SSBP2: variants seen among roughly 807,000 people sequenced by gnomAD.
SSBP2 encodes the protein single stranded DNA binding protein 2.
A neutral mutation model predicts 61.8 loss-of-function variants in SSBP2; 17 were observed. That is an observed-to-expected ratio of 0.28 (90% CI 0.19 to 0.41). The LOEUF (loss-of-function observed/expected upper bound fraction) is 0.41, where lower values mean the gene tolerates loss of function less well. SSBP2 is among the 10% of genes least tolerant of loss of function. The pLI is 1.00. For synonymous variants in SSBP2, 139 were observed against 141.3 expected (o/e 0.98, Z 0.12); for missense variants, 310 against 458.7 (o/e 0.68, Z 2.96).
intron 5 of SSBP2, among the ~76,000 whole-genome samples, chr5:81,504,722 A>T (rs1326479490): frequency 6.6e-6 from 1 of 152,078 alleles, no homozygotes; most frequent in Non-Finnish European, 1.5e-5. Context: ...TAAAATAGTT[A>T]TTTATTTTGC....
At chr5:81,676,406 G>A (rs1344746127) in intron 1 of SSBP2, among the ~76,000 whole-genome samples, 2 of 152,096 alleles carry the variant, frequency 1.3e-5, no homozygotes, top group African/African-American at 4.8e-5. Context: ...ATCTACAGGA[G>A]AGGGGCCAGA....
At chr5:81,613,801 C>T (rs959538095) in intron 4 of SSBP2, among the ~76,000 whole-genome samples, 8 of 152,230 alleles carry the variant, frequency 5.3e-5, no homozygotes, top group Admixed American at 5.2e-4. Context: ...CTATCCAATT[C>T]CTCATATTCT....
chr5:81,663,187 CACAA>C (rs1364072244), intron 1 of SSBP2, among the ~76,000 whole-genome samples: 7 of 152,128 alleles, frequency 4.6e-5, no homozygotes, highest in Non-Finnish European at 8.8e-5. Flanking sequence ...ATTGTGGATT[CACAA>C]ACAAGTTTAC....
At chr5:81,586,103 C>A (rs1273055249) in intron 4 of SSBP2, among the ~76,000 whole-genome samples, 1 of 152,174 alleles carries the variant, frequency 6.6e-6, no homozygotes, top group African/African-American at 2.4e-5. Context: ...CTGCAATGAA[C>A]ATGGGAATGC....
At chr5:81,648,931 A>G (rs1749500188) in intron 2 of SSBP2, among the ~76,000 whole-genome samples, 1 of 152,064 alleles carries the variant, frequency 6.6e-6, no homozygotes, top group African/African-American at 2.4e-5. Context: ...AAAATTATTA[A>G]TATTTTATAT....
intron 4 of SSBP2, among the ~76,000 whole-genome samples, chr5:81,596,970 A>T (rs1050722163): frequency 3.3e-5 from 5 of 151,656 alleles, no homozygotes; most frequent in Admixed American, 2.6e-4. Flanking sequence ...AATGGCAACA[A>T]AAGCCAAAAT....
At chr5:81,635,532 T>C (rs1305311585) in intron 3 of SSBP2, among the ~76,000 whole-genome samples, 3 of 151,818 alleles carry the variant, frequency 2.0e-5, no homozygotes, top group African/African-American at 4.8e-5. Context: ...TAATTACCTA[T>C]ACAGAAGTCT....
intron 1 of SSBP2, among the ~76,000 whole-genome samples, chr5:81,740,510 T>C (rs1756942743): frequency 6.6e-6 from 1 of 152,182 alleles, no homozygotes; most frequent in Non-Finnish European, 1.5e-5. Context: ...GACTAGGTAA[T>C]AGAACCAATA....
chr5:81,636,399 C>A (rs964899511), intron 3 of SSBP2, 158 bp downstream of exon 3: 11 of 498,996 alleles, frequency 2.2e-5, no homozygotes, highest in African/African-American at 1.5e-4. Context: ...TTAAATTACA[C>A]TAGTGCTGGT....
In SSBP2 at chr5:81,418,617, G is replaced by C. The variant is rs1761422140; in HGVS notation, c.*1887C>G. The stretch of plus-strand genomic sequence containing the variant: ...CATAGAGTGTACTTACACAAACCTA[G>C]ATGGTATAGGCTCCTACACACCTAG... On this transcript the variant is annotated 3_prime_UTR_variant, in exon 17 of 17. Coordinates refer to ENST00000320672, the MANE Select transcript of SSBP2 (RefSeq NM_012446.5). The C allele has an allele frequency of 6.6e-6, 1 of 152,126 alleles. No individual in the cohort carries two copies. The highest frequency in any genetic ancestry group is 2.1e-4 in the South Asian group (1 of 4,824). 9.4% of individuals were successfully genotyped at this position (152,126 alleles called of 1,614,324 possible).
In SSBP2 at chr5:81,418,562, T is replaced by A. The variant is rs1761418935; in HGVS notation, c.*1942A>T. On this transcript the variant is annotated 3_prime_UTR_variant, in exon 17 of 17. Transcript: ENST00000320672. The stretch of plus-strand genomic sequence containing the variant: ...TAAGTATACATTCTGAGAAATGCAT[T>A]GTCAGGCAATATTGTCCTTGTCTGA... 2 of 152,180 alleles carry A rather than the reference T, an allele frequency of 1.3e-5. No individual in the cohort carries two copies. Among genetic ancestry groups the A allele is most frequent in the Admixed American group, 6.5e-5 (1 of 15,274 alleles). The allele number at this position is 152,180 out of a possible 1,614,324, so 9.4% of individuals were successfully genotyped here.
chr5:81,443,021 A>T lies in SSBP2; in HGVS notation c.779-298T>A, dbSNP rs146819929. ...TTAAAAAAGATACTTTTTTACTTCAAGCAATTCTATGTGTGTGTATGTGTG... is the reference window on the plus strand; with the variant it reads ...TTAAAAAAGATACTTTTTTACTTCATGCAATTCTATGTGTGTGTATGTGTG... On this transcript the variant is annotated intron_variant, in intron 12 of 16. Coordinates refer to ENST00000320672, the MANE Select transcript of SSBP2 (RefSeq NM_012446.5). 8.2e-3 allele frequency: 1,596 copies of T among 195,244 alleles called. 23 individuals carry two copies. Among genetic ancestry groups the T allele is most frequent in the African/African-American group, 0.035 (1,493 of 42,682 alleles). The allele number at this position is 195,244 out of a possible 1,614,324, so 12.1% of individuals were successfully genotyped here.
intron 5 of SSBP2, among the ~76,000 whole-genome samples, chr5:81,493,334 G>A (rs1332499831): frequency 1.3e-5 from 2 of 151,982 alleles, no homozygotes. Flanking sequence ...GTCCAGGCTG[G>A]AGTGCAGTGC....
chr5:81,453,222 C>T (rs771949071), intron 10 of SSBP2, among the ~76,000 whole-genome samples: 2 of 151,994 alleles, frequency 1.3e-5, no homozygotes, highest in Non-Finnish European at 2.9e-5. Flanking sequence ...TGCTTGAGCA[C>T]AGGAGGTGGA....
chr5:81,477,023 G>T (rs1182779371), intron 6 of SSBP2, among the ~76,000 whole-genome samples: 1 of 151,786 alleles, frequency 6.6e-6, no homozygotes, highest in East Asian at 1.9e-4. Flanking sequence ...TATGTGTGTT[G>T]TGTGTGTGTA....
intron 1 of SSBP2, among the ~76,000 whole-genome samples, chr5:81,685,917 A>T (rs939226227): frequency 6.6e-6 from 1 of 152,224 alleles, no homozygotes; most frequent in Non-Finnish European, 1.5e-5. Context: ...ATTCCCCCAG[A>T]ATACCCCAAA....
intron 4 of SSBP2, among the ~76,000 whole-genome samples, chr5:81,573,145 G>C (rs191690654): frequency 1.3e-5 from 2 of 152,118 alleles, no homozygotes; most frequent in Non-Finnish European, 2.9e-5. Flanking sequence ...GGGTTTTGTT[G>C]GTTTAGACAG....
intron 9 of SSBP2, 36 bp from the exon 10 acceptor site, chr5:81,461,139 T>C: frequency 1.3e-6 from 2 of 1,495,492 alleles, no homozygotes; most frequent in South Asian, 1.3e-5. Flanking sequence ...TTTTAACCTA[T>C]GCTTTGAAGG....
At chr5:81,656,716 T>C (rs1010454439) in intron 1 of SSBP2, among the ~76,000 whole-genome samples, 3 of 142,528 alleles carry the variant, frequency 2.1e-5, no homozygotes, top group Admixed American at 7.2e-5. Context: ...ACATGGCCTG[T>C]AAGTAACTCC....
Sources: allele counts gnomAD v4.1 joint callset (sites outside exome capture counted in the v4.1 genomes callset), GRCh38; gene constraint gnomAD v4.1.1; transcripts MANE v1.5; gene names NCBI Gene and HGNC (gene_info 2026-07-23, HGNC 2026-07-21).